NMBR: variants seen among roughly 807,000 people sequenced by gnomAD.
NMBR encodes the protein neuromedin B receptor.
In NMBR, 16 loss-of-function variants were observed where a neutral mutation model predicts 20.5. That is an observed-to-expected ratio of 0.78 (90% CI 0.53 to 1.19). The LOEUF (loss-of-function observed/expected upper bound fraction) is 1.19. NMBR is among the 50% of genes most tolerant of loss of function. NMBR has a pLI of 0.00. For missense variants in NMBR, 582 were observed against 499.1 expected, an observed-to-expected ratio of 1.17 and a Z score of -1.58; for synonymous variants, 212 against 196.6, an observed-to-expected ratio of 1.08 and a Z score of -0.65.
At chr6:142,077,582 G>T (rs1038409168) in intron 3 of NMBR, among the ~76,000 whole-genome samples, 35 of 152,276 alleles carry the variant, frequency 2.3e-4, no homozygotes, top group African/African-American at 8.2e-4. Context: ...CTTTAAAGCC[G>T]ATGTGGATCT....
At chr6:142,079,104 G>GAAAGAA (rs764796811) in intron 2 of NMBR, among the ~76,000 whole-genome samples, 14 of 58,570 alleles carry the variant, frequency 2.4e-4, no homozygotes, top group African/African-American at 8.1e-4. Flanking sequence ...AAGAGAGAGA[G>GAAAGAA]AGAAAGAAAG....
chr6:142,130,989 G>A (rs574030613), intron 1 of NMBR, among the ~76,000 whole-genome samples: 2 of 152,250 alleles, frequency 1.3e-5, no homozygotes, highest in South Asian at 4.1e-4. Context: ...GAATTGTTAT[G>A]GACCAGTGAC....
chr6:142,123,383 C>T (rs1777979090), intron 1 of NMBR, among the ~76,000 whole-genome samples: 2 of 151,896 alleles, frequency 1.3e-5, no homozygotes, highest in Non-Finnish European at 2.9e-5. Flanking sequence ...GGTGAAAATG[C>T]TGTGAATATT....
rs185273110 is a variant in NMBR, at chr6:142,122,400, A to T, written c.-664+24644T>A. Among the ~76,000 whole-genome samples the T allele has an allele frequency of 1.4e-4, 22 of 152,102 alleles. No individual in the cohort carries two copies. The East Asian group carries it at 4.1e-3, about 28-fold the overall frequency. On this transcript the variant is annotated intron_variant, in intron 1 of 3. Transcript: ENST00000258042. Reference sequence around the variant, plus strand: ...ATGCAAGATGGTATATCACCATACCATATCATCATACCATAAAAATGCAAG... The same window carrying T: ...ATGCAAGATGGTATATCACCATACCTTATCATCATACCATAAAAATGCAAG...
chr6:142,113,320 A>C (rs1777803645), intron 1 of NMBR, among the ~76,000 whole-genome samples: 1 of 152,162 alleles, frequency 6.6e-6, no homozygotes. Context: ...TGAGAGTGGC[A>C]TATGAAGACT....
chr6:142,131,873 A>C (rs1778149057), intron 1 of NMBR, among the ~76,000 whole-genome samples: 1 of 152,234 alleles, frequency 6.6e-6, no homozygotes, highest in Non-Finnish European at 1.5e-5. Context: ...ACTAAACAAT[A>C]GCATTCACTA....
At chr6:142,083,005 GAAT>G in intron 2 of NMBR, among the ~76,000 whole-genome samples, 2 of 152,250 alleles carry the variant, frequency 1.3e-5, no homozygotes, top group East Asian at 3.9e-4. Flanking sequence ...CAAGGTAGAT[GAAT>G]AATCTTCAAA....
chr6:142,093,399 A>G (rs1360382557), intron 1 of NMBR, among the ~76,000 whole-genome samples: 4 of 144,190 alleles, frequency 2.8e-5, no homozygotes, highest in Non-Finnish European at 4.5e-5. Flanking sequence ...GAGAACATGC[A>G]GTGTTTGGTT....
intron 1 of NMBR, among the ~76,000 whole-genome samples, chr6:142,129,301 C>T (rs1191468937): frequency 6.6e-6 from 1 of 152,030 alleles, no homozygotes; most frequent in Non-Finnish European, 1.5e-5. Context: ...CTCGCCTTCC[C>T]TCCTTTATCT....
intron 1 of NMBR, among the ~76,000 whole-genome samples, chr6:142,098,257 T>C (rs1777497389): frequency 6.6e-6 from 1 of 152,130 alleles, no homozygotes; most frequent in Admixed American, 6.6e-5. Context: ...GAAACTATCT[T>C]GCTAACATCG....
At chr6:142,112,862 A>T (rs940668258) in intron 1 of NMBR, among the ~76,000 whole-genome samples, 5 of 128,940 alleles carry the variant, frequency 3.9e-5, no homozygotes, top group Non-Finnish European at 7.5e-5. Context: ...ATTTATATAA[A>T]TATGATAATT....
At chr6:142,079,103 AG>A (rs1777032860) in intron 2 of NMBR, among the ~76,000 whole-genome samples, 200 bp from the exon 3 acceptor site, 1 of 70,588 alleles carries the variant, frequency 1.4e-5, no homozygotes, top group African/African-American at 1.1e-4. Flanking sequence ...AAAGAGAGAG[AG>A]AGAAAGAAAG....
chr6:142,130,064 T>C (rs1397663911), intron 1 of NMBR, among the ~76,000 whole-genome samples: 1 of 152,128 alleles, frequency 6.6e-6, no homozygotes, highest in Admixed American at 6.5e-5. Flanking sequence ...TGGCCTTTGC[T>C]CTTCGCACTG....
intron 1 of NMBR, among the ~76,000 whole-genome samples, chr6:142,119,654 AT>A (rs1472876626): frequency 6.6e-6 from 1 of 151,968 alleles, no homozygotes; most frequent in African/African-American, 2.4e-5. Context: ...ATCTCATTTA[AT>A]CTTAACGGGA....
At chr6:142,129,380 C>G (rs1426656889) in intron 1 of NMBR, among the ~76,000 whole-genome samples, 1 of 152,048 alleles carries the variant, frequency 6.6e-6, no homozygotes, top group East Asian at 1.9e-4. Flanking sequence ...TGCCCACTTA[C>G]TCAGAAAATT....
intron 1 of NMBR, among the ~76,000 whole-genome samples, chr6:142,096,404 T>G (rs1260892198): frequency 1.3e-5 from 2 of 152,228 alleles, no homozygotes; most frequent in East Asian, 3.8e-4. Flanking sequence ...CTTCATTTCG[T>G]TATGTACCCA....
intron 1 of NMBR, among the ~76,000 whole-genome samples, chr6:142,096,867 G>C (rs1366319169): frequency 6.6e-6 from 1 of 151,556 alleles, no homozygotes; most frequent in Non-Finnish European, 1.5e-5. Context: ...TGTATTGGGT[G>C]CATATATATT....
intron 1 of NMBR, among the ~76,000 whole-genome samples, chr6:142,144,625 T>C (rs550932104): frequency 6.6e-6 from 1 of 152,176 alleles, no homozygotes; most frequent in South Asian, 2.1e-4. Context: ...TAAAATATCA[T>C]AGTAAAACAA....
intron 1 of NMBR, among the ~76,000 whole-genome samples, chr6:142,114,733 G>A (rs1397696478): frequency 2.0e-5 from 3 of 152,110 alleles, no homozygotes; most frequent in African/African-American, 7.2e-5. Context: ...AGCCTTGAGA[G>A]TAAAGGTGGT....
Sources: gnomAD v4.1 joint callset for allele counts (sites outside exome capture counted in the v4.1 genomes callset) on GRCh38, gnomAD v4.1.1 for gene constraint, MANE v1.5 for transcripts, NCBI Gene and HGNC (gene_info 2026-07-23, HGNC 2026-07-21) for gene names.